Variants in ALMS1 observed in about 807,000 individuals in gnomAD.
The protein encoded by ALMS1 is centrosome-associated protein ALMS1.
A neutral mutation model predicts 352.2 loss-of-function variants in ALMS1; 271 were observed. The observed-to-expected ratio is 0.77, with a 90% confidence interval of 0.70 to 0.85. The LOEUF is 0.85. Among genes scored for constraint, ALMS1 ranks in the 40% least tolerant of loss-of-function variants. The pLI, the probability that ALMS1 is intolerant of heterozygous loss-of-function variation, is 0.00. For missense variants in ALMS1, 5,445 were observed against 4,870.7 expected (o/e 1.12, Z -3.51); for synonymous variants, 1,865 against 1,761.2 (o/e 1.06, Z -1.48).
intron 14 of ALMS1, among the ~76,000 whole-genome samples, chr2:73,558,710 G>A (rs1674594066): frequency 6.6e-6 from 1 of 152,018 alleles, no homozygotes; most frequent in Admixed American, 6.6e-5. Flanking sequence ...GTTGTCTAGA[G>A]TTCTATGGTA....
At chr2:73,567,076 G>C (rs1674818998) in intron 15 of ALMS1, among the ~76,000 whole-genome samples, 1 of 152,130 alleles carries the variant, frequency 6.6e-6, no homozygotes, top group South Asian at 2.1e-4. Context: ...TTTTTATGGA[G>C]GTGCCATTAC....
intron 21 of ALMS1, among the ~76,000 whole-genome samples, chr2:73,607,775 C>CT (rs1006303798): frequency 6.6e-6 from 1 of 151,552 alleles, no homozygotes; most frequent in Non-Finnish European, 1.5e-5. Flanking sequence ...TCCTGAGTAG[C>CT]TGAGATTACA....
intron 11 of ALMS1, among the ~76,000 whole-genome samples, chr2:73,520,859 G>A (rs1269759871): frequency 6.6e-6 from 1 of 152,108 alleles, no homozygotes; most frequent in African/African-American, 2.4e-5. Context: ...TGAGTAAGTA[G>A]CAGGAAAATT....
intron 14 of ALMS1, 60 bp downstream of exon 14, chr2:73,557,414 C>G: frequency 6.2e-7 from 1 of 1,602,972 alleles, no homozygotes; most frequent in Non-Finnish European, 8.5e-7. Context: ...TGAGACTATT[C>G]CCTTAAGAAC....
intron 15 of ALMS1, among the ~76,000 whole-genome samples, chr2:73,562,574 A>T (rs1403846607): frequency 1.3e-5 from 2 of 152,140 alleles, no homozygotes; most frequent in Non-Finnish European, 2.9e-5. Flanking sequence ...CAAAAAATAC[A>T]TGTGTAAGTA....
intron 6 of ALMS1, among the ~76,000 whole-genome samples, chr2:73,429,998 A>T (rs750472758): frequency 1.3e-5 from 2 of 151,786 alleles, no homozygotes; most frequent in African/African-American, 2.4e-5. Flanking sequence ...TCCATTTTCA[A>T]TTAGCAATGA....
chr2:73,572,338 C>T lies in ALMS1; in HGVS notation c.10461C>T (p.Pro3487=), dbSNP rs202036843. 1.2e-5 allele frequency: 20 copies of T among 1,607,754 alleles called. No individual in the cohort carries two copies. In the African/African-American group the frequency reaches 1.5e-4, roughly 12 times the overall value. The part of the protein sequence containing the change: ...FRSAKFYIHH[P]VHLPSDQDIC... ...CAGCAAAGTTTTACATTCATCATCC[C>T]GTACACCTACCAAGTGATCAAGATA... The change falls in exon 16 of 23, where the codon CCC becomes CCT. Residue 3487 remains proline (P), a synonymous_variant. Coordinates refer to ENST00000613296, the MANE Select transcript of ALMS1 (RefSeq NM_001378454.1).
chr2:73,588,941 C>T (rs182298968), intron 16 of ALMS1, among the ~76,000 whole-genome samples: 4 of 151,936 alleles, frequency 2.6e-5, no homozygotes, highest in Admixed American at 2.6e-4. Context: ...TTTTTTTATA[C>T]GTTTACAGAG....
At chr2:73,463,699 C>A (rs539079758) in intron 9 of ALMS1, among the ~76,000 whole-genome samples, 2 of 132,240 alleles carry the variant, frequency 1.5e-5, no homozygotes, top group East Asian at 4.2e-4. Context: ...AGACCGCTAG[C>A]AAGACTAATA....
intron 9 of ALMS1, among the ~76,000 whole-genome samples, chr2:73,465,179 A>C (rs1285161872): frequency 6.6e-6 from 1 of 152,178 alleles, no homozygotes; most frequent in Admixed American, 6.5e-5. Flanking sequence ...TGCATCGCCA[A>C]GTCAATCCTA....
At chr2:73,393,350 A>G (rs554908782) in intron 1 of ALMS1, among the ~76,000 whole-genome samples, 1 of 151,842 alleles carries the variant, frequency 6.6e-6, no homozygotes, top group South Asian at 2.1e-4. Flanking sequence ...ATATGAAGAA[A>G]GGGTTCAAAC....
intron 12 of ALMS1, among the ~76,000 whole-genome samples, chr2:73,547,616 A>G (rs1674349132): frequency 6.6e-6 from 1 of 152,178 alleles, no homozygotes; most frequent in Non-Finnish European, 1.5e-5. Context: ...TGATGGGTAG[A>G]TATGGTTAAA....
intron 7 of ALMS1, among the ~76,000 whole-genome samples, chr2:73,435,248 A>G (rs1156861946): frequency 1.3e-5 from 2 of 152,070 alleles, no homozygotes; most frequent in Non-Finnish European, 2.9e-5. Flanking sequence ...ATTTAATGTC[A>G]TTATTGATGT....
At chr2:73,503,668 C>T (rs1192661346) in intron 10 of ALMS1, among the ~76,000 whole-genome samples, 3 of 152,106 alleles carry the variant, frequency 2.0e-5, no homozygotes, top group African/African-American at 7.2e-5. Flanking sequence ...CCTGAGGAAT[C>T]GCCACACTGA....
intron 9 of ALMS1, among the ~76,000 whole-genome samples, chr2:73,476,185 A>G (rs929827115): frequency 6.6e-6 from 1 of 152,046 alleles, no homozygotes; most frequent in Admixed American, 6.6e-5. Flanking sequence ...ATTCAGTAGT[A>G]TATTCTTAAA....
chr2:73,573,191 G>A lies in ALMS1; in HGVS notation c.11314G>A (p.Glu3772Lys). The A allele has an allele frequency of 6.2e-7, 1 of 1,612,618 alleles. No individual in the cohort carries two copies. Among genetic ancestry groups the A allele is most frequent in the Non-Finnish European group, 8.5e-7 (1 of 1,179,076 alleles). Residue 3772 changes from glutamate to lysine, a missense_variant, in exon 16 of 23, where the codon GAG becomes AAG. Transcript: ENST00000613296. ...AGATATATTGACCCAAACAGATAGA[G>A]AGGTGGCTCTGCACGAAAGGAGTAG... ...ESDILTQTDR[E>K]VALHERSSSV... is the part of the protein sequence containing the mutation.
chr2:73,449,691 A>ACTC lies in ALMS1; in HGVS notation c.3164_3165insCTC (p.Lys1055delinsAsnSer). On this transcript the variant is annotated protein_altering_variant, in exon 8 of 23. Coordinates refer to ENST00000613296, the MANE Select transcript of ALMS1 (RefSeq NM_001378454.1). Reference sequence around the variant, plus strand: ...TCTAGTTCTTACCCACAGAGGGAGAAGCCTAGTGTTTTGTACCCACAGGTG... The same window carrying ACTC: ...TCTAGTTCTTACCCACAGAGGGAGAACTCGCCTAGTGTTTTGTACCCACAGGTG... 1 of 1,614,070 alleles carries ACTC rather than the reference A, an allele frequency of 6.2e-7. No homozygotes were observed. The highest frequency in any genetic ancestry group is 8.5e-7 in the Non-Finnish European group (1 of 1,179,956).
In ALMS1 at chr2:73,557,266, CA is replaced by C; in HGVS notation, c.10131del (p.Lys3377AsnfsTer11). On this transcript the variant is annotated frameshift_variant, in exon 14 of 23. Transcript: ENST00000613296. LOFTEE classifies it high-confidence loss of function. ...TCACTGGGGATGAGAACCTCTCAGA[CA>C]AAAAACAGCAAGAGATTCACAGTAC... Reference protein sequence around the residue: ...LITGDENLSDKKQQEIHSTRA... With the variant: ...LITGDENLSDXKQQEIHSTRA... 6.2e-7 allele frequency: 1 copy of C among 1,614,092 alleles called. No homozygotes were observed. Among genetic ancestry groups the C allele is most frequent in the East Asian group, 2.2e-5 (1 of 44,866 alleles).
chr2:73,511,935 A>G (rs572953042), intron 10 of ALMS1, among the ~76,000 whole-genome samples: 2 of 152,338 alleles, frequency 1.3e-5, no homozygotes, highest in Admixed American at 6.5e-5. Flanking sequence ...GTACGTAAGT[A>G]TATGTTTAAT....
Sources: allele counts gnomAD v4.1 joint callset (sites outside exome capture counted in the v4.1 genomes callset), GRCh38; gene constraint gnomAD v4.1.1; transcripts MANE v1.5; gene names NCBI Gene and HGNC (gene_info 2026-07-23, HGNC 2026-07-21).